The following IFT80 variants were observed in gnomAD, a reference collection of about 807,000 sequenced individuals.
IFT80 encodes intraflagellar transport protein 80 homolog.
Under a neutral mutation model 107.9 loss-of-function variants are expected in IFT80, and 79 were observed. The ratio of observed to expected loss-of-function variants is 0.73; its 90% CI spans 0.61 to 0.88. IFT80 has a LOEUF of 0.88. Among genes scored for constraint, IFT80 ranks in the 40% least tolerant of loss-of-function variants. The pLI, the probability that IFT80 is intolerant of heterozygous loss-of-function variation, is 0.00. For missense variants in IFT80, 797 were observed against 914.2 expected, an observed-to-expected ratio of 0.87 and a Z score of 1.65; for synonymous variants, 299 against 300.9, an observed-to-expected ratio of 0.99 and a Z score of 0.07.
At chr3:160,360,912 T>C (rs193126875) in intron 6 of IFT80, among the ~76,000 whole-genome samples, 17 of 152,254 alleles carry the variant, frequency 1.1e-4, no homozygotes, top group Admixed American at 9.2e-4. Flanking sequence ...ACATGCCGAA[T>C]TGTAAAGACC....
chr3:160,319,313 TC>T (rs1218839974), intron 9 of IFT80, among the ~76,000 whole-genome samples: 1 of 152,050 alleles, frequency 6.6e-6, no homozygotes, highest in Non-Finnish European at 1.5e-5. Context: ...ATTTTGACTC[TC>T]CTTAGGTAAT....
intron 15 of IFT80, 112 bp downstream of exon 15, chr3:160,280,553 TAA>T: frequency 1.2e-6 from 1 of 844,522 alleles, no homozygotes; most frequent in African/African-American, 1.7e-5. Flanking sequence ...TATTCATCAA[TAA>T]ATCTGACTGA....
Position 160,375,991 on chromosome 3 carries a change from TA to T in IFT80, c.371-112del, listed in dbSNP as rs1711990821. The T allele has an allele frequency of 4.3e-6, 3 of 703,242 alleles. No homozygotes were observed. The African/African-American group carries it at 5.4e-5, about 13-fold the overall frequency. 43.6% of individuals were successfully genotyped at this position (703,242 alleles called of 1,614,324 possible). ...ATCTACCGCATATTCTTTTTTCTTCTAGGCTTCCTGAAATCATGGAATATTA... is the reference window on the plus strand; with the variant it reads ...ATCTACCGCATATTCTTTTTTCTTCTGGCTTCCTGAAATCATGGAATATTA... On this transcript the variant is annotated intron_variant, in intron 4 of 19. Coordinates refer to ENST00000326448, the MANE Select transcript of IFT80 (RefSeq NM_020800.3).
chr3:160,378,529 G>C (rs1041210497), intron 3 of IFT80, among the ~76,000 whole-genome samples: 2 of 151,694 alleles, frequency 1.3e-5, no homozygotes, highest in African/African-American at 4.8e-5. Context: ...AAAAAGAACA[G>C]GTCTCTGTGG....
chr3:160,304,435 CTTTTTTTTT>C (rs869204306), intron 10 of IFT80, among the ~76,000 whole-genome samples: 1 of 129,164 alleles, frequency 7.7e-6, no homozygotes, highest in Non-Finnish European at 1.6e-5. Flanking sequence ...TTGATTTTTT[CTTTTTTTTT>C]TTTTTTTTTG....
chr3:160,303,902 C>T lies in IFT80; in HGVS notation c.1151+13G>A, dbSNP rs766432950. 7 of 1,542,032 alleles carry T rather than the reference C, an allele frequency of 4.5e-6. No homozygotes were observed. The highest frequency in any genetic ancestry group is 4.5e-5 in the East Asian group (2 of 44,356). ...TTTAACCCCAGATCCAGTAGTTAAA[C>T]ATAATAAATTACCTTTCTGCCTGCA... is the stretch of plus-strand genomic sequence containing the variant. On this transcript the variant is annotated intron_variant, in intron 11 of 19. Coordinates refer to ENST00000326448, the MANE Select transcript of IFT80 (RefSeq NM_020800.3).
chr3:160,377,803 C>A (rs1413860403), intron 3 of IFT80: 1 of 273,512 alleles, frequency 3.7e-6, no homozygotes, highest in Non-Finnish European at 6.8e-6. Context: ...ATTCATAAAC[C>A]TTTTGATTTA....
Position 160,267,150 on chromosome 3 carries a change from A to G in IFT80, c.2223+1263T>C, listed in dbSNP as rs543924750. Among the ~76,000 whole-genome samples the G allele has an allele frequency of 3.9e-5, 6 of 152,358 alleles. No individual in the cohort carries two copies. The South Asian group carries it at 1.2e-3, about 32-fold the overall frequency. On this transcript the variant is annotated intron_variant, in intron 19 of 19. Coordinates refer to ENST00000326448, the MANE Select transcript of IFT80 (RefSeq NM_020800.3). ...GTCGAAGTTGCACTGCTAAACTCTA[A>G]GAATGGTCTCAAAGGCCTCACTAAC... is the stretch of plus-strand genomic sequence containing the variant.
At chr3:160,297,783 T>A (rs2108262883) in intron 12 of IFT80, among the ~76,000 whole-genome samples, 1 of 152,264 alleles carries the variant, frequency 6.6e-6, no homozygotes, top group African/African-American at 2.4e-5. Context: ...CAGCCTTCCA[T>A]CCTTTTTCTG....
intron 1 of IFT80, among the ~76,000 whole-genome samples, chr3:160,391,308 G>A (rs1713363317): frequency 6.6e-6 from 1 of 152,122 alleles, no homozygotes; most frequent in Admixed American, 6.5e-5. Flanking sequence ...GTAATAGTAC[G>A]TACCTAAGTT....
chr3:160,275,995 G>C (rs1423492256), intron 18 of IFT80, among the ~76,000 whole-genome samples: 10 of 151,988 alleles, frequency 6.6e-5, no homozygotes, highest in Non-Finnish European at 1.0e-4. Flanking sequence ...AGCCTTCTGA[G>C]TAGCTGGGAT....
At chr3:160,264,252 G>C (rs181271418) in intron 19 of IFT80, among the ~76,000 whole-genome samples, 1 of 150,980 alleles carries the variant, frequency 6.6e-6, no homozygotes, top group East Asian at 2.0e-4. Context: ...TGGAACTACA[G>C]GTACATGCCA....
intron 1 of IFT80, among the ~76,000 whole-genome samples, chr3:160,394,621 C>G (rs369992444): frequency 6.6e-6 from 1 of 151,974 alleles, no homozygotes; most frequent in Non-Finnish European, 1.5e-5. Context: ...TGGTGGCGGG[C>G]GCCTATAATC....
intron 2 of IFT80, chr3:160,383,599 AC>A: frequency 1.1e-6 from 1 of 902,570 alleles, no homozygotes; most frequent in Non-Finnish European, 1.3e-6. Flanking sequence ...TCAAATTGCT[AC>A]AAAAATTTCT....
chr3:160,311,265 A>G (rs962195042), intron 9 of IFT80, among the ~76,000 whole-genome samples: 1 of 152,236 alleles, frequency 6.6e-6, no homozygotes, highest in South Asian at 2.1e-4. Context: ...GTAAATAAAT[A>G]ATAAGAAGTT....
chr3:160,390,161 T>C (rs1713259062), intron 1 of IFT80, among the ~76,000 whole-genome samples: 1 of 152,104 alleles, frequency 6.6e-6, no homozygotes, highest in Admixed American at 6.5e-5. Flanking sequence ...CTCATGCCTG[T>C]AATCCCAGCA....
rs146217788 is a variant in IFT80 at position 160,284,821 on chromosome 3, T to G, written c.1380+983A>C. On this transcript the variant is annotated intron_variant, in intron 13 of 19. Transcript: ENST00000326448. ...ATATGAAAAAAGCAAAGTGTAAAATTGTTTGTTACATTTTTGTAAAGGGGA... is the reference window on the plus strand; with the variant it reads ...ATATGAAAAAAGCAAAGTGTAAAATGGTTTGTTACATTTTTGTAAAGGGGA... 2.1e-3 allele frequency among the ~76,000 whole-genome samples: 324 copies of G among 152,290 alleles called. 1 individual carries two copies. The East Asian group carries it at 0.028, about 13-fold the overall frequency.
At chr3:160,312,617 T>C (rs1316292226) in intron 9 of IFT80, among the ~76,000 whole-genome samples, 1 of 63,778 alleles carries the variant, frequency 1.6e-5, no homozygotes, top group African/African-American at 6.3e-5. Context: ...TATATAAATA[T>C]ATAATATATA....
At chr3:160,357,088 A>AT (rs1239440370) in intron 7 of IFT80, among the ~76,000 whole-genome samples, 2 of 152,280 alleles carry the variant, frequency 1.3e-5, no homozygotes, top group Admixed American at 6.5e-5. Context: ...ATCAAACTCT[A>AT]TAGATCAATG....
Sources: gnomAD v4.1 joint callset for allele counts (sites outside exome capture counted in the v4.1 genomes callset) on GRCh38, gnomAD v4.1.1 for gene constraint, MANE v1.5 for transcripts, NCBI Gene and HGNC (gene_info 2026-07-23, HGNC 2026-07-21) for gene names.